FAM120A: variants seen among roughly 807,000 people sequenced by gnomAD.
FAM120A encodes the protein family with sequence similarity 120 member A.
A neutral mutation model predicts 109.7 loss-of-function variants in FAM120A; 15 were observed. The observed-to-expected ratio is 0.14, with a 90% CI of 0.09 to 0.21. The LOEUF is 0.21. FAM120A is among the 10% of genes least tolerant of loss of function. The pLI is 1.00. For missense variants in FAM120A, 899 were observed against 1,439.3 expected, an observed-to-expected ratio of 0.62 and a Z score of 6.07; for synonymous variants, 493 against 572.8, an observed-to-expected ratio of 0.86 and a Z score of 1.99.
intron 1 of FAM120A, among the ~76,000 whole-genome samples, chr9:93,463,512 G>A (rs777052932): frequency 6.6e-6 from 1 of 152,166 alleles, no homozygotes; most frequent in African/African-American, 2.4e-5. Flanking sequence ...CACCAAATTG[G>A]AGTTGACTTT....
In FAM120A at chr9:93,558,710, C is replaced by T. The variant is rs139148203; in HGVS notation, c.2798C>T (p.Ser933Phe). ...SGSDSSRTSK[S>F]QGGVQPIPSQ... Reference sequence around the variant, plus strand: ...AGTGACAGCAGCAGGACTAGCAAGTCCCAGGGCGGTAATTATACCCACCCC... The same window carrying T: ...AGTGACAGCAGCAGGACTAGCAAGTTCCAGGGCGGTAATTATACCCACCCC... The change falls in exon 15 of 18, where the codon TCC becomes TTC. Residue 933 changes from serine (S) to phenylalanine (F), a missense_variant. Physicochemically the swap from Ser to Phe is radical, Grantham distance 155. Transcript: ENST00000277165. 1.2e-6 allele frequency: 2 copies of T among 1,613,794 alleles called. No homozygotes were observed. The highest frequency in any genetic ancestry group is 2.7e-5 in the African/African-American group (2 of 74,938).
chr9:93,466,745 A>C (rs1410853238), intron 1 of FAM120A, among the ~76,000 whole-genome samples: 2 of 152,062 alleles, frequency 1.3e-5, no homozygotes, highest in Non-Finnish European at 2.9e-5. Context: ...TCACCTGAAC[A>C]CCGGTTCTCA....
At chr9:93,544,517 C>T (rs1437705894) in intron 11 of FAM120A, among the ~76,000 whole-genome samples, 7 of 152,280 alleles carry the variant, frequency 4.6e-5, no homozygotes, top group Admixed American at 2.0e-4. Flanking sequence ...GGAGTTGATT[C>T]GTTTGGTTTG....
At chr9:93,485,598 C>T (rs1018386380) in intron 3 of FAM120A, among the ~76,000 whole-genome samples, 4 of 151,958 alleles carry the variant, frequency 2.6e-5, no homozygotes, top group African/African-American at 9.7e-5. Flanking sequence ...ACCCTATCTC[C>T]ACAAAAAATA....
chr9:93,464,809 G>A (rs553935851), intron 1 of FAM120A, among the ~76,000 whole-genome samples: 1 of 152,202 alleles, frequency 6.6e-6, no homozygotes, highest in South Asian at 2.1e-4. Context: ...CCCCTTTGAA[G>A]GGCTACCTGT....
intron 1 of FAM120A, among the ~76,000 whole-genome samples, chr9:93,460,668 G>A (rs1444761042): frequency 6.6e-6 from 1 of 152,144 alleles, no homozygotes; most frequent in Non-Finnish European, 1.5e-5. Flanking sequence ...TTCTCTAGAA[G>A]TAAATCTGAT....
intron 1 of FAM120A, among the ~76,000 whole-genome samples, chr9:93,465,210 C>G (rs1032691697): frequency 1.3e-5 from 2 of 152,198 alleles, no homozygotes; most frequent in African/African-American, 4.8e-5. Flanking sequence ...CCATTCCCAC[C>G]CAAACCTTGC....
rs1861357997 is a variant in FAM120A, at chr9:93,532,266, T to G, written c.1846T>G (p.Leu616Val). 1 of 1,614,124 alleles carries G rather than the reference T, an allele frequency of 6.2e-7. No homozygotes were observed. ...RQYVYGVLFS[L>V]AESRKKTERL... ...GTATGTTTACGGAGTCCTGTTTAGT[T>G]TGGCAGAAAGCAGAAAGAAAACTGA... is the stretch of plus-strand genomic sequence containing the variant. Residue 616 changes from leucine to valine, a missense_variant, in exon 10 of 18, where the codon TTG (leucine) becomes GTG (valine). Physicochemically the swap from Leu to Val is conservative, Grantham distance 32. This residue lies in a region of FAM120A where 133 missense variants were observed against 276.6 expected (regional missense o/e 0.48). Coordinates refer to ENST00000277165, the MANE Select transcript of FAM120A (RefSeq NM_014612.5). The surrounding 1 kb of genome is among the most constrained non-coding windows in gnomAD (Gnocchi z 4.3).
chr9:93,490,772 A>G (rs552258961), intron 3 of FAM120A, among the ~76,000 whole-genome samples: 6 of 152,296 alleles, frequency 3.9e-5, no homozygotes, highest in African/African-American at 9.6e-5. Context: ...AAATGTTGTT[A>G]TAGTGTAGTT....
At chr9:93,562,329 G>A (rs759461635) in intron 17 of FAM120A, 25 bp downstream of exon 17, 4 of 1,583,128 alleles carry the variant, frequency 2.5e-6, no homozygotes, top group Non-Finnish European at 3.5e-6. Context: ...TGATGTTTGT[G>A]CCAGTTCAAT....
rs1465351336 is a variant in FAM120A, at chr9:93,475,848, T to G, written c.722-408T>G. ...TGTGCAGATTTCACATTTGGTGTTT[T>G]TATGTAATTTTGAACCGTAGCTATT... On this transcript the variant is annotated intron_variant, in intron 2 of 17. Transcript: ENST00000277165. Among the ~76,000 whole-genome samples, 3 of 152,238 alleles carry G rather than the reference T, an allele frequency of 2.0e-5. No individual in the cohort carries two copies. The East Asian group carries it at 5.8e-4, about 29-fold the overall frequency.
At chr9:93,531,928 A>G (rs962022182) in intron 9 of FAM120A, among the ~76,000 whole-genome samples, 3 of 152,208 alleles carry the variant, frequency 2.0e-5, no homozygotes, top group African/African-American at 7.2e-5. Context: ...TTTGGATTAA[A>G]CATAAAATGA....
intron 3 of FAM120A, among the ~76,000 whole-genome samples, chr9:93,486,511 T>C (rs1179872334): frequency 4.6e-5 from 7 of 151,672 alleles, no homozygotes; most frequent in Non-Finnish European, 7.4e-5. Flanking sequence ...AGATATTTTT[T>C]TCTTTCTTTT....
chr9:93,497,197 A>G (rs1348989589), intron 3 of FAM120A, among the ~76,000 whole-genome samples: 1 of 152,212 alleles, frequency 6.6e-6, no homozygotes, highest in Non-Finnish European at 1.5e-5. Flanking sequence ...GACTTCTCAG[A>G]AGTGGTGGAA....
At chr9:93,453,092 G>T (rs1483720897) in intron 1 of FAM120A, 1 of 1,054,964 alleles carries the variant, frequency 9.5e-7, no homozygotes, top group Non-Finnish European at 1.1e-6. Context: ...CTTCACGTCC[G>T]TGTGAAAGAG....
intron 3 of FAM120A, among the ~76,000 whole-genome samples, chr9:93,494,494 C>G (rs78262078): frequency 6.6e-6 from 1 of 152,188 alleles, no homozygotes; most frequent in Admixed American, 6.5e-5. Flanking sequence ...TTGCCTCACT[C>G]CAGCATTCGT....
At chr9:93,457,315 A>G (rs1857592529) in intron 1 of FAM120A, among the ~76,000 whole-genome samples, 2 of 152,050 alleles carry the variant, frequency 1.3e-5, no homozygotes, top group South Asian at 4.1e-4. Flanking sequence ...AGGAATGGCC[A>G]TATATTTTCC....
At chr9:93,553,864 A>G (rs1318231539) in intron 12 of FAM120A, among the ~76,000 whole-genome samples, 3 of 152,262 alleles carry the variant, frequency 2.0e-5, no homozygotes, top group African/African-American at 7.2e-5. Flanking sequence ...TAAGTTCCCC[A>G]TAAATATTAA....
intron 1 of FAM120A, among the ~76,000 whole-genome samples, chr9:93,463,749 T>TC (rs1482461796): frequency 4.6e-5 from 7 of 152,226 alleles, no homozygotes; most frequent in Admixed American, 1.3e-4. Context: ...GTCACATTGT[T>TC]CCCTGAACTG....
Sources: gnomAD v4.1 joint callset for allele counts (sites outside exome capture counted in the v4.1 genomes callset) on GRCh38, gnomAD v4.1.1 for gene constraint, gnomAD v4.1.1 regional missense constraint, Gnocchi (gnomAD v3.1) non-coding constraint, MANE v1.5 for transcripts, NCBI Gene and HGNC (gene_info 2026-07-23, HGNC 2026-07-21) for gene names.